MEF2A: variants seen among roughly 807,000 people sequenced by gnomAD.
MEF2A encodes myocyte enhancer factor 2A.
MEF2A carries 28 observed loss-of-function variants against 55.8 expected under a neutral mutation model. The observed-to-expected ratio is 0.50, with a 90% CI of 0.37 to 0.69. The LOEUF (loss-of-function observed/expected upper bound fraction) is 0.69, where lower values mean the gene tolerates loss of function less well. MEF2A is among the 30% of genes least tolerant of loss of function. The probability of loss-of-function intolerance (pLI) is 0.00; values close to 1 mark genes in which losing one functional copy is unlikely to be tolerated. For synonymous variants in MEF2A, 239 were observed against 227.1 expected, an observed-to-expected ratio of 1.05 and a Z score of -0.47; for missense variants, 528 against 626.2, an observed-to-expected ratio of 0.84 and a Z score of 1.67.
At chr15:99,604,220 A>G (rs1974289412) in intron 2 of MEF2A, among the ~76,000 whole-genome samples, 1 of 152,150 alleles carries the variant, frequency 6.6e-6, no homozygotes, top group African/African-American at 2.4e-5. Flanking sequence ...ATGTTTCACC[A>G]CTATTTCTTC....
intron 2 of MEF2A, among the ~76,000 whole-genome samples, chr15:99,608,011 A>G (rs1975774444): frequency 6.6e-6 from 1 of 152,242 alleles, no homozygotes; most frequent in Non-Finnish European, 1.5e-5. Flanking sequence ...GACATGAATC[A>G]CCGAAAATCA....
chr15:99,710,367 C>T (rs112755590), intron 10 of MEF2A, among the ~76,000 whole-genome samples: 6,705 of 152,272 alleles, frequency 0.044, 206 homozygotes, highest in Non-Finnish European at 0.068. Flanking sequence ...CTCAGCCTCC[C>T]AAGTAGCTGG....
At chr15:99,586,560 T>C (rs546117725) in intron 1 of MEF2A, among the ~76,000 whole-genome samples, 32 of 152,326 alleles carry the variant, frequency 2.1e-4, no homozygotes, top group African/African-American at 7.2e-4. Context: ...CATCTTTATA[T>C]ATTCTACATA....
chr15:99,713,100 T>TA lies in MEF2A; in HGVS notation c.*330dup, dbSNP rs2058840837. 1 of 447,100 alleles carries TA rather than the reference T, an allele frequency of 2.2e-6. No homozygotes were observed. The highest frequency in any genetic ancestry group is 6.9e-5 in the South Asian group (1 of 14,474). 27.7% of individuals were successfully genotyped at this position (447,100 alleles called of 1,614,324 possible). ...GTTTTTGCAGAGAAACGTGTACCCA[T>TA]ATATAATTCTCCCACACTAGCTTGC... On this transcript the variant is annotated 3_prime_UTR_variant, in exon 12 of 12. Transcript: ENST00000557942.
intron 7 of MEF2A, 91 bp from the exon 8 acceptor site, chr15:99,690,150 T>A: frequency 8.2e-7 from 1 of 1,223,630 alleles, no homozygotes. Context: ...TAAAATTTAT[T>A]TGCAACTCAG....
intron 1 of MEF2A, among the ~76,000 whole-genome samples, chr15:99,578,896 T>G (rs535402349): frequency 6.6e-5 from 10 of 152,212 alleles, no homozygotes; most frequent in Non-Finnish European, 1.5e-4. Flanking sequence ...TATAAGTACA[T>G]GATAAATGTG....
chr15:99,690,481 A>G, intron 8 of MEF2A, 53 bp downstream of exon 8: 1 of 1,464,432 alleles, frequency 6.8e-7, no homozygotes, highest in Middle Eastern at 1.8e-4. Flanking sequence ...TTTTATACAT[A>G]GTCAATCTGT....
intron 2 of MEF2A, among the ~76,000 whole-genome samples, chr15:99,617,465 A>G (rs898548619): frequency 1.3e-5 from 2 of 152,166 alleles, no homozygotes; most frequent in Admixed American, 6.5e-5. Context: ...ATGATTTGAC[A>G]TGAAAATGAC....
At chr15:99,644,261 G>A (rs989529873) in intron 3 of MEF2A, among the ~76,000 whole-genome samples, 2 of 152,116 alleles carry the variant, frequency 1.3e-5, no homozygotes, top group East Asian at 1.9e-4. Flanking sequence ...TGTTACTATA[G>A]GGAGAAAACA....
rs2058869133 is a variant in MEF2A, at chr15:99,713,535, C to T, written c.*764C>T. ...GGAATATGTCAGAAGTTTCTTTTTA[C>T]ATTCATATCTTAAAAATTAAAGAAA... On this transcript the variant is annotated 3_prime_UTR_variant, in exon 12 of 12. Coordinates refer to ENST00000557942, the MANE Select transcript of MEF2A (RefSeq NM_001319206.4). 6.6e-6 allele frequency: 1 copy of T among 152,178 alleles called. No homozygotes were observed. Among genetic ancestry groups the T allele is most frequent in the African/African-American group, 2.4e-5 (1 of 41,438 alleles). The allele number at this position is 152,178 out of a possible 1,614,324, so 9.4% of individuals were successfully genotyped here. A position where few individuals can be genotyped will look rare whatever the true frequency, so the allele number is the denominator to read the frequency against.
At chr15:99,614,903 A>C (rs1401717829) in intron 2 of MEF2A, among the ~76,000 whole-genome samples, 1 of 152,150 alleles carries the variant, frequency 6.6e-6, no homozygotes, top group African/African-American at 2.4e-5. Flanking sequence ...GCATGGAATG[A>C]GGAGTTCCAT....
At chr15:99,678,251 A>G (rs962334183) in intron 7 of MEF2A, among the ~76,000 whole-genome samples, 2 of 152,156 alleles carry the variant, frequency 1.3e-5, no homozygotes, top group African/African-American at 4.8e-5. Flanking sequence ...TTTTCTAGCC[A>G]GATTGTTTTG....
chr15:99,633,286 G>A, intron 3 of MEF2A, 113 bp downstream of exon 3: 1 of 659,622 alleles, frequency 1.5e-6, no homozygotes, highest in Non-Finnish European at 2.4e-6. Flanking sequence ...AATATTTTTA[G>A]TTACAGACTA....
chr15:99,592,284 G>A (rs1357785836), intron 1 of MEF2A, among the ~76,000 whole-genome samples: 1 of 151,906 alleles, frequency 6.6e-6, no homozygotes, highest in Non-Finnish European at 1.5e-5. Flanking sequence ...GTAATCTTTG[G>A]GAACTTTTTT....
intron 7 of MEF2A, among the ~76,000 whole-genome samples, chr15:99,677,199 G>T (rs138401487): frequency 4.6e-5 from 7 of 152,160 alleles, no homozygotes; most frequent in African/African-American, 1.7e-4. Context: ...CACATAAGCT[G>T]AACTAGGCAC....
intron 2 of MEF2A, among the ~76,000 whole-genome samples, chr15:99,604,926 A>G (rs909826094): frequency 6.6e-6 from 1 of 152,174 alleles, no homozygotes; most frequent in Non-Finnish European, 1.5e-5. Context: ...ATCCCAAACA[A>G]TATTCCAAAA....
At chr15:99,597,341 C>T (rs1395031089) in intron 1 of MEF2A, among the ~76,000 whole-genome samples, 1 of 152,118 alleles carries the variant, frequency 6.6e-6, no homozygotes, top group Admixed American at 6.6e-5. Flanking sequence ...GTGAAATAGA[C>T]TCCAGTCTCC....
intron 2 of MEF2A, among the ~76,000 whole-genome samples, chr15:99,624,151 G>C (rs1462290760): frequency 1.3e-5 from 2 of 152,144 alleles, no homozygotes; most frequent in African/African-American, 4.8e-5. Context: ...GTTTTACTCT[G>C]TTGATAGTGC....
At chr15:99,614,354 G>T (rs2039839032) in intron 2 of MEF2A, among the ~76,000 whole-genome samples, 2 of 152,088 alleles carry the variant, frequency 1.3e-5, no homozygotes, top group Non-Finnish European at 2.9e-5. Context: ...GTCCCAAAGT[G>T]CTGGGATCAC....
Sources: allele counts gnomAD v4.1 joint callset (sites outside exome capture counted in the v4.1 genomes callset), GRCh38; gene constraint gnomAD v4.1.1; transcripts MANE v1.5; gene names NCBI Gene and HGNC (gene_info 2026-07-23, HGNC 2026-07-21).